The following TBX2 variants were observed in gnomAD, a reference collection of about 807,000 sequenced individuals.
TBX2 encodes T-box transcription factor 2.
A neutral mutation model predicts 48.4 loss-of-function variants in TBX2; 19 were observed. That is an observed-to-expected ratio of 0.39 (90% confidence interval 0.27 to 0.58). TBX2 has a LOEUF of 0.58. Ranked by LOEUF, TBX2 falls within the 20% of genes least tolerant of loss-of-function variation. The pLI is 0.54. For missense variants in TBX2, 994 were observed against 1,006.5 expected (o/e 0.99, Z 0.17); for synonymous variants, 522 against 459.7 (o/e 1.14, Z -1.73).
chr17:61,403,356 C>A lies in TBX2; in HGVS notation c.810+149C>A, dbSNP rs542790183. ...CCGAGCACCGAGCCTCGCATCCATA[C>A]GCGCAGCACTCACGGAAGTCCTCAA... On this transcript the variant is annotated intron_variant, in intron 3 of 6. Coordinates refer to ENST00000240328, the MANE Select transcript of TBX2 (RefSeq NM_005994.4). The surrounding 1 kb of genome is among the most constrained non-coding windows in gnomAD (Gnocchi z 5.8). 7.7e-7 allele frequency: 1 copy of A among 1,300,050 alleles called. No individual in the cohort carries two copies. Among genetic ancestry groups the A allele is most frequent in the Non-Finnish European group, 1.0e-6 (1 of 966,174 alleles). 80.5% of individuals were successfully genotyped at this position (1,300,050 alleles called of 1,614,324 possible).
intron 3 of TBX2, 149 bp from the exon 4 acceptor site, chr17:61,404,272 C>G: frequency 1.0e-6 from 1 of 983,966 alleles, no homozygotes; most frequent in Non-Finnish European, 1.5e-6. Context: ...CCGGCCTCAG[C>G]TCGGGGCGTC....
rs1168179385 is a variant in TBX2 at position 61,406,482 on chromosome 17, AG to A, written c.1686+647del. Reference sequence around the variant, plus strand: ...CTCTTCAGGCCCCATTGAAATTCCAAGCTCCCAGGGGAGTGTTGACGAAAAT... The same window carrying A: ...CTCTTCAGGCCCCATTGAAATTCCAACTCCCAGGGGAGTGTTGACGAAAAT... On this transcript the variant is annotated intron_variant, in intron 6 of 6. Coordinates refer to ENST00000240328, the MANE Select transcript of TBX2 (RefSeq NM_005994.4). This position sits in a 1 kb window ranked among gnomAD's most constrained non-coding sequence, Gnocchi z 5.7. 6.6e-6 allele frequency: 1 copy of A among 152,078 alleles called. No individual in the cohort carries two copies. Among genetic ancestry groups the A allele is most frequent in the Non-Finnish European group, 1.5e-5 (1 of 68,022 alleles). The allele number at this position is 152,078 out of a possible 1,614,324, so 9.4% of individuals were successfully genotyped here. A position where few individuals can be genotyped will look rare whatever the true frequency, so the allele number is the denominator to read the frequency against.
At chr17:61,402,549 G>C (rs1025686650) in intron 2 of TBX2, among the ~76,000 whole-genome samples, 4 of 152,048 alleles carry the variant, frequency 2.6e-5, no homozygotes, top group Non-Finnish European at 5.9e-5. Context: ...GTTTCATAGG[G>C]TAAAAGGAAC....
chr17:61,405,513 G>T lies in TBX2; in HGVS notation c.1363G>T (p.Asp455Tyr). 6.3e-7 allele frequency: 1 copy of T among 1,586,054 alleles called. No homozygotes were observed. ...QGLAPLVVQTDSASPLGAGHL... is the reference protein window; with the variant it reads ...QGLAPLVVQTYSASPLGAGHL... ...CCTGGCGCCGCTGGTGGTGCAGACAGACAGTGCGTCCCCCCTGGGCGCCGG... is the reference window on the plus strand; with the variant it reads ...CCTGGCGCCGCTGGTGGTGCAGACATACAGTGCGTCCCCCCTGGGCGCCGG... The change falls in exon 6 of 7, where the codon GAC becomes TAC. Residue 455 changes from aspartate (D) to tyrosine (Y), a missense_variant. Asp to Tyr is a radical substitution (Grantham distance 160). Transcript: ENST00000240328.
intron 6 of TBX2, 64 bp downstream of exon 6, chr17:61,405,900 C>A: frequency 8.0e-7 from 1 of 1,255,584 alleles, no homozygotes; most frequent in African/African-American, 1.5e-5. Context: ...GGCGGCGAGG[C>A]CAGCGGAGGG....
At chr17:61,405,070 C>T (rs1418597197) in intron 5 of TBX2, 132 bp from the exon 6 acceptor site, 2 of 1,501,968 alleles carry the variant, frequency 1.3e-6, no homozygotes, top group Non-Finnish European at 1.8e-6. Flanking sequence ...AGGTGACCTG[C>T]AGCTGCCCTT....
rs1198765513 is a variant in TBX2, at chr17:61,400,673, C to A, written c.395+102C>A. 1 of 1,208,574 alleles carries A rather than the reference C, an allele frequency of 8.3e-7. No individual in the cohort carries two copies. Among genetic ancestry groups the A allele is most frequent in the East Asian group, 3.0e-5 (1 of 32,962 alleles). 74.9% of individuals were successfully genotyped at this position (1,208,574 alleles called of 1,614,324 possible). On this transcript the variant is annotated intron_variant, in intron 1 of 6. Coordinates refer to ENST00000240328, the MANE Select transcript of TBX2 (RefSeq NM_005994.4). This position sits in a 1 kb window ranked among gnomAD's most constrained non-coding sequence, Gnocchi z 9.2. Reference sequence around the variant, plus strand: ...AGCTGGGGACTCCCGGCTCCCGGCTCCCGGCTCCAGGTTCTGGCCCTGACG... The same window carrying A: ...AGCTGGGGACTCCCGGCTCCCGGCTACCGGCTCCAGGTTCTGGCCCTGACG...
At position 61,409,237 on chromosome 17, in the gene TBX2, G is replaced by A. The variant is rs920443111; in HGVS notation, c.*731G>A. On this transcript the variant is annotated 3_prime_UTR_variant, in exon 7 of 7. Transcript: ENST00000240328. Reference sequence around the variant, plus strand: ...ACATTTAAAGTTTTTTTCATTTTACGTGAGCATCTATATTGTACAGGGCTG... The same window carrying A: ...ACATTTAAAGTTTTTTTCATTTTACATGAGCATCTATATTGTACAGGGCTG... 2.6e-5 allele frequency: 4 copies of A among 152,178 alleles called. No homozygotes were observed. The highest frequency in any genetic ancestry group is 9.7e-5 in the African/African-American group (4 of 41,322). 9.4% of individuals were successfully genotyped at this position (152,178 alleles called of 1,614,324 possible).
chr17:61,405,623 G>A lies in TBX2; in HGVS notation c.1473G>A (p.Leu491=), dbSNP rs1236450443. The A allele has an allele frequency of 2.5e-6, 4 of 1,586,788 alleles. No individual in the cohort carries two copies. Among genetic ancestry groups the A allele is most frequent in the African/African-American group, 1.3e-5 (1 of 74,408 alleles). ...TGGGAGCCGGCCAGCCGCTCTTCCT[G>A]CACCCTGGACAGTTCACCATGGGCC... The part of the protein sequence containing the change: ...GPLGAGQPLF[L]HPGQFTMGPG... The change falls in exon 6 of 7, where the codon CTG becomes CTA. Residue 491 remains leucine, a synonymous_variant. Transcript: ENST00000240328.
chr17:61,401,826 C>T lies in TBX2; in HGVS notation c.538C>T (p.Pro180Ser). 6.2e-7 allele frequency: 1 copy of T among 1,613,066 alleles called. No homozygotes were observed. The part of the protein sequence containing the change: ...SRWMVAGKAD[P>S]EMPKRMYIHP... ...CTGGATGGTGGCGGGCAAGGCCGAC[C>T]CTGAGATGCCCAAACGCATGTACAT... is the stretch of plus-strand genomic sequence containing the variant. The change falls in exon 2 of 7, where the codon CCT becomes TCT. Residue 180 changes from proline (P) to serine (S), a missense_variant. Pro to Ser is a moderately conservative substitution (Grantham distance 74). Coordinates refer to ENST00000240328, the MANE Select transcript of TBX2 (RefSeq NM_005994.4).
rs1397786159 is a variant in TBX2 at position 61,400,441 on chromosome 17, C to G, written c.265C>G (p.Leu89Val). Residue 89 changes from leucine (L) to valine (V), a missense_variant, in exon 1 of 7, where the codon CTG becomes GTG. Leu to Val is a conservative substitution (Grantham distance 32, BLOSUM62 1). Transcript: ENST00000240328. This position sits in a 1 kb window ranked among gnomAD's most constrained non-coding sequence, Gnocchi z 9.2. ...GGGCCCGCACCCGCCCGCCGCGCAT[C>G]TGCGCTCCCTCAAGAGCCTGGAGCC... ...ALGPHPPAAHLRSLKSLEPED... is the reference protein window; with the variant it reads ...ALGPHPPAAHVRSLKSLEPED... 1.3e-6 allele frequency: 2 copies of G among 1,584,616 alleles called. No individual in the cohort carries two copies. The highest frequency in any genetic ancestry group is 2.3e-5 in the East Asian group (1 of 43,962).
In TBX2 at chr17:61,403,153, C is replaced by G. The variant is rs571504779; in HGVS notation, c.756C>G (p.Thr252=). 1.1e-4 allele frequency: 174 copies of G among 1,613,768 alleles called. 2 individuals carry two copies. In the East Asian group the frequency reaches 3.6e-3, roughly 33 times the overall value. The change falls in exon 3 of 7, where the codon ACC becomes ACG. Residue 252 remains threonine, a synonymous_variant. Coordinates refer to ENST00000240328, the MANE Select transcript of TBX2 (RefSeq NM_005994.4). The surrounding 1 kb of genome is among the most constrained non-coding windows in gnomAD (Gnocchi z 5.8). ...ILKLPYSTFR[T]YVFPETDFIA... ...AGCTGCCTTACAGCACCTTCCGCAC[C>G]TACGTGTTCCCGGAGACCGACTTCA...
Position 61,400,145 on chromosome 17 carries a change from C to G in TBX2, c.-32C>G. 8.1e-6 allele frequency: 8 copies of G among 992,856 alleles called. No homozygotes were observed. The highest frequency in any genetic ancestry group is 9.6e-6 in the Non-Finnish European group (8 of 834,634). 61.5% of individuals were successfully genotyped at this position (992,856 alleles called of 1,614,324 possible). On this transcript the variant is annotated 5_prime_UTR_variant, in exon 1 of 7. Transcript: ENST00000240328. The surrounding 1 kb of genome is among the most constrained non-coding windows in gnomAD (Gnocchi z 9.2). ...GAGCCGCGCGCCCCCGGCCCCGGCCCCGGCCCCCGGGCGCCTGGGCCGGAT... is the reference window on the plus strand; with the variant it reads ...GAGCCGCGCGCCCCCGGCCCCGGCCGCGGCCCCCGGGCGCCTGGGCCGGAT...
chr17:61,400,703 G>A lies in TBX2; in HGVS notation c.395+132G>A. On this transcript the variant is annotated intron_variant, in intron 1 of 6. Coordinates refer to ENST00000240328, the MANE Select transcript of TBX2 (RefSeq NM_005994.4). This position sits in a 1 kb window ranked among gnomAD's most constrained non-coding sequence, Gnocchi z 9.2. ...CTCCAGGTTCTGGCCCTGACGCCAC[G>A]CTTCGCTCCCACGGACAACCAAGTT... is the stretch of plus-strand genomic sequence containing the variant. 1 of 929,098 alleles carries A rather than the reference G, an allele frequency of 1.1e-6. No individual in the cohort carries two copies. Among genetic ancestry groups the A allele is most frequent in the South Asian group, 1.8e-5 (1 of 55,878 alleles). The allele number at this position is 929,098 out of a possible 1,614,324, so 57.6% of individuals were successfully genotyped here. A position where few individuals can be genotyped will look rare whatever the true frequency, so the allele number is the denominator to read the frequency against.
At chr17:61,402,051 C>G in intron 2 of TBX2, 100 bp downstream of exon 2, 2 of 1,482,652 alleles carry the variant, frequency 1.3e-6, no homozygotes, top group Non-Finnish European at 1.8e-6. Context: ...GGGGGAAGCG[C>G]TGGGCAAACC....
At position 61,401,725 on chromosome 17, in the gene TBX2, A is replaced by T; in HGVS notation, c.437A>T (p.Asp146Val). 1 of 1,612,956 alleles carries T rather than the reference A, an allele frequency of 6.2e-7. No individual in the cohort carries two copies. Among genetic ancestry groups the T allele is most frequent in the Non-Finnish European group, 8.5e-7 (1 of 1,179,980 alleles). ...PPFKVRVSGLDKKAKYILLMD... is the reference protein window; with the variant it reads ...PPFKVRVSGLVKKAKYILLMD... ...TTCAAGGTGCGAGTCAGCGGCCTGG[A>T]CAAGAAGGCCAAGTATATCCTGCTG... Residue 146 changes from aspartate (D) to valine (V), a missense_variant, in exon 2 of 7, where the codon GAC (aspartate) becomes GTC (valine). By Grantham distance (152) the Asp-to-Val change is radical. Transcript: ENST00000240328.
In TBX2 at chr17:61,401,944, A is replaced by G. The variant is rs1404152384; in HGVS notation, c.656A>G (p.His219Arg). 6.3e-7 allele frequency: 1 copy of G among 1,597,550 alleles called. No individual in the cohort carries two copies. Among genetic ancestry groups the G allele is most frequent in the Non-Finnish European group, 8.5e-7 (1 of 1,170,066 alleles). ...LKLTNNISDK[H>R]GFTILNSMHK... is the part of the protein sequence containing the mutation. ...CTGACCAACAACATCTCTGACAAGC[A>G]CGGCTTCGTGAGTGTTGGGGCAGGG... Residue 219 changes from histidine (H) to arginine (R), a missense_variant, in exon 2 of 7, where the codon CAC becomes CGC. His to Arg is a conservative substitution (Grantham distance 29). Transcript: ENST00000240328.
chr17:61,402,350 G>A (rs1412675292), intron 2 of TBX2, among the ~76,000 whole-genome samples: 1 of 152,188 alleles, frequency 6.6e-6, no homozygotes, highest in Admixed American at 6.5e-5. Flanking sequence ...TCACCCTTCT[G>A]CCAAGACCCG....
In TBX2 at chr17:61,400,566, C is replaced by G; in HGVS notation, c.390C>G (p.Ser130=). Residue 130 remains serine (S), a synonymous_variant, in exon 1 of 7, where the codon TCC becomes TCG. Coordinates refer to ENST00000240328, the MANE Select transcript of TBX2 (RefSeq NM_005994.4). This position sits in a 1 kb window ranked among gnomAD's most constrained non-coding sequence, Gnocchi z 9.2. ...KLGTEMVITK[S]GRRMFPPFKV... Reference sequence around the variant, plus strand: ...GCACGGAGATGGTCATCACCAAGTCCGGGAGGTAGGGCTGCCGGCCGGCTG... The same window carrying G: ...GCACGGAGATGGTCATCACCAAGTCGGGGAGGTAGGGCTGCCGGCCGGCTG... 1 of 1,504,632 alleles carries G rather than the reference C, an allele frequency of 6.6e-7. No homozygotes were observed. The allele number at this position is 1,504,632 out of a possible 1,614,324, so 93.2% of individuals were successfully genotyped here.
Sources: gnomAD v4.1 joint callset for allele counts (sites outside exome capture counted in the v4.1 genomes callset) on GRCh38, gnomAD v4.1.1 for gene constraint, Gnocchi (gnomAD v3.1) non-coding constraint, MANE v1.5 for transcripts, NCBI Gene and HGNC (gene_info 2026-07-23, HGNC 2026-07-21) for gene names.